Variants in BAIAP2L1 observed in about 807,000 individuals in gnomAD.
BAIAP2L1 encodes the protein BAR/IMD domain-containing adapter protein 2-like 1.
In BAIAP2L1, 35 loss-of-function variants were observed where a neutral mutation model predicts 66.3. The ratio of observed to expected loss-of-function variants is 0.53; its 90% CI spans 0.40 to 0.70. The LOEUF (loss-of-function observed/expected upper bound fraction) is 0.70, where lower values mean the gene tolerates loss of function less well. Ranked by LOEUF, BAIAP2L1 falls within the 30% of genes least tolerant of loss-of-function variation. The pLI is 0.00. For synonymous variants in BAIAP2L1, 269 were observed against 248.7 expected (o/e 1.08, Z -0.77); for missense variants, 622 against 656.9 (o/e 0.95, Z 0.58).
chr7:98,315,321 T>C (rs1454422688), intron 7 of BAIAP2L1, 139 bp downstream of exon 7: 6 of 688,628 alleles, frequency 8.7e-6, no homozygotes, highest in Middle Eastern at 5.0e-4. Context: ...AGAGACAGAG[T>C]TTTGCCATGT....
intron 12 of BAIAP2L1, among the ~76,000 whole-genome samples, chr7:98,296,240 G>A (rs187576405): frequency 1.7e-4 from 26 of 152,358 alleles, no homozygotes; most frequent in Admixed American, 1.3e-3. Flanking sequence ...CGTGGGGGCC[G>A]GGAACGTCCT....
chr7:98,394,235 C>T (rs948295971), intron 1 of BAIAP2L1, among the ~76,000 whole-genome samples: 9 of 64,144 alleles, frequency 1.4e-4, no homozygotes, highest in East Asian at 1.1e-3. Context: ...AGGGAGACTC[C>T]GTCTCAAAAA....
intron 3 of BAIAP2L1, among the ~76,000 whole-genome samples, chr7:98,325,462 G>A (rs1310262082): frequency 2.6e-5 from 4 of 151,526 alleles, no homozygotes; most frequent in Non-Finnish European, 5.9e-5. Context: ...TGGATCACTT[G>A]AGGTCAGTAG....
intron 3 of BAIAP2L1, among the ~76,000 whole-genome samples, chr7:98,333,599 A>AAAATAAAT (rs900167366): frequency 6.6e-6 from 1 of 152,084 alleles, no homozygotes; most frequent in African/African-American, 2.4e-5. Flanking sequence ...ACTCTGTCTC[A>AAAATAAAT]AAATAAATAA....
chr7:98,355,017 A>G, intron 3 of BAIAP2L1, 25 bp downstream of exon 3: 1 of 1,572,698 alleles, frequency 6.4e-7, no homozygotes, highest in South Asian at 1.1e-5. Context: ...AGTGGGGTTT[A>G]TGTATAAAGG....
At chr7:98,346,548 C>T (rs1801876139) in intron 3 of BAIAP2L1, among the ~76,000 whole-genome samples, 1 of 152,084 alleles carries the variant, frequency 6.6e-6, no homozygotes, top group Non-Finnish European at 1.5e-5. Context: ...TGCAGAGGTC[C>T]TAGAATATCC....
At position 98,307,869 on chromosome 7, in the gene BAIAP2L1, C is replaced by G; in HGVS notation, c.983G>C (p.Arg328Pro). The G allele has an allele frequency of 1.9e-6, 3 of 1,614,220 alleles. No homozygotes were observed. Among genetic ancestry groups the G allele is most frequent in the South Asian group, 1.1e-5 (1 of 91,076 alleles). Reference sequence around the variant, plus strand: ...CAGTCCCGTTGCAACCGAAACTGATCGCTGTAAACTGGGATCTTCGGAAGT... The same window carrying G: ...CAGTCCCGTTGCAACCGAAACTGATGGCTGTAAACTGGGATCTTCGGAAGT... Reference protein sequence around the residue: ...TGTSEDPSLQRSVSVATGLNM... With the variant: ...TGTSEDPSLQPSVSVATGLNM... The change falls in exon 10 of 14, where the codon CGA (arginine) becomes CCA (proline). Residue 328 changes from arginine (R) to proline (P), a missense_variant. By Grantham distance (103) the Arg-to-Pro change is moderately radical. Transcript: ENST00000005260.
intron 9 of BAIAP2L1, chr7:98,308,523 C>G: frequency 2.9e-6 from 1 of 346,910 alleles, no homozygotes; most frequent in Non-Finnish European, 5.7e-6. Context: ...GGACAGACCC[C>G]ACAGCTGGCA....
chr7:98,309,100 T>C (rs1281251378), intron 9 of BAIAP2L1: 1 of 152,030 alleles, frequency 6.6e-6, no homozygotes, highest in African/African-American at 2.4e-5. Flanking sequence ...AACATAAACC[T>C]GCGCCCCCTT....
chr7:98,371,233 A>T (rs555051260), intron 1 of BAIAP2L1, among the ~76,000 whole-genome samples: 1 of 152,222 alleles, frequency 6.6e-6, no homozygotes, highest in Non-Finnish European at 1.5e-5. Context: ...AGCTTAGTCT[A>T]TATCTCTATC....
intron 1 of BAIAP2L1, among the ~76,000 whole-genome samples, chr7:98,397,771 G>A (rs1181528239): frequency 6.6e-6 from 1 of 152,060 alleles, no homozygotes; most frequent in East Asian, 1.9e-4. Context: ...GCAAATTATG[G>A]GCATGCTATA....
chr7:98,350,949 C>T (rs1468238597), intron 3 of BAIAP2L1, among the ~76,000 whole-genome samples: 4 of 152,072 alleles, frequency 2.6e-5, no homozygotes, highest in Admixed American at 6.5e-5. Context: ...CTCTGCCTCC[C>T]GGGTTCAAGT....
intron 1 of BAIAP2L1, among the ~76,000 whole-genome samples, chr7:98,375,326 G>A (rs1490895622): frequency 4.0e-5 from 6 of 151,686 alleles, no homozygotes; most frequent in African/African-American, 1.2e-4. Flanking sequence ...CCTGGGAGGC[G>A]GAGGTTGCAG....
chr7:98,381,885 G>C (rs1397092445), intron 1 of BAIAP2L1, among the ~76,000 whole-genome samples: 1 of 150,996 alleles, frequency 6.6e-6, no homozygotes, highest in Non-Finnish European at 1.5e-5. Context: ...AGAAAATTAA[G>C]TCCCAGAGCT....
chr7:98,353,087 G>A (rs1802035138), intron 3 of BAIAP2L1, among the ~76,000 whole-genome samples: 1 of 151,760 alleles, frequency 6.6e-6, no homozygotes, highest in South Asian at 2.1e-4. Context: ...TAAATTCATT[G>A]TGCTTAGAAC....
chr7:98,301,369 G>T (rs1800411630), intron 12 of BAIAP2L1, among the ~76,000 whole-genome samples: 1 of 152,110 alleles, frequency 6.6e-6, no homozygotes, highest in South Asian at 2.1e-4. Context: ...CGCATAAGGA[G>T]GGCATTCTCA....
intron 1 of BAIAP2L1, among the ~76,000 whole-genome samples, 169 bp from the exon 2 acceptor site, chr7:98,362,601 T>C (rs1203381166): frequency 3.3e-5 from 5 of 152,232 alleles, no homozygotes; most frequent in African/African-American, 1.2e-4. Context: ...CCTTACCTGA[T>C]GGAACAGGGC....
chr7:98,315,102 C>T (rs1347925506), intron 7 of BAIAP2L1, among the ~76,000 whole-genome samples: 1 of 152,084 alleles, frequency 6.6e-6, no homozygotes, highest in Non-Finnish European at 1.5e-5. Flanking sequence ...AGGTGAGTGG[C>T]GTGCATGTGT....
At chr7:98,373,667 C>T (rs546044097) in intron 1 of BAIAP2L1, among the ~76,000 whole-genome samples, 1 of 152,272 alleles carries the variant, frequency 6.6e-6, no homozygotes, top group African/African-American at 2.4e-5. Context: ...TTATGGAGTG[C>T]TTATCATGTA....
Sources: allele counts gnomAD v4.1 joint callset (sites outside exome capture counted in the v4.1 genomes callset), GRCh38; gene constraint gnomAD v4.1.1; transcripts MANE v1.5; gene names NCBI Gene and HGNC (gene_info 2026-07-23, HGNC 2026-07-21).